Variants in LY86 observed in about 807,000 individuals in gnomAD.
LY86 encodes MD-1, RP105-associated.
LY86 carries 20 observed loss-of-function variants against 17.3 expected under a neutral mutation model. The observed-to-expected ratio is 1.15, with a 90% CI of 0.81 to 1.68. The LOEUF (loss-of-function observed/expected upper bound fraction) is 1.68, where lower values mean the gene tolerates loss of function less well. Among genes scored for constraint, LY86 ranks in the 40% most tolerant of loss-of-function variants. The pLI is 0.00. For synonymous variants in LY86, 74 were observed against 70.6 expected, an observed-to-expected ratio of 1.05 and a Z score of -0.24; for missense variants, 200 against 191.9, an observed-to-expected ratio of 1.04 and a Z score of -0.25.
At chr6:6,630,751 C>A (rs1761886085) in intron 3 of LY86, among the ~76,000 whole-genome samples, 1 of 152,178 alleles carries the variant, frequency 6.6e-6, no homozygotes, top group South Asian at 2.1e-4. Context: ...ATTAACTGCT[C>A]CTGTGCTTTC....
chr6:6,605,517 T>C (rs1438724805), intron 1 of LY86, among the ~76,000 whole-genome samples: 2 of 152,000 alleles, frequency 1.3e-5, no homozygotes, highest in African/African-American at 4.8e-5. Flanking sequence ...CCATGGGGGG[T>C]CTCCCCACAA....
In LY86 at chr6:6,654,858, C is replaced by G; in HGVS notation, c.*231C>G. On this transcript the variant is annotated 3_prime_UTR_variant, in exon 5 of 5. Transcript: ENST00000230568. ...TGTTTCTAAGGAGCCTCTTGGCAGT[C>G]CTTAAGCAGTCTTGAGGGTCCATCC... The G allele has an allele frequency of 5.8e-6, 3 of 520,592 alleles. No individual in the cohort carries two copies. Among genetic ancestry groups the G allele is most frequent in the Non-Finnish European group, 6.8e-6 (2 of 294,336 alleles). The allele number at this position is 520,592 out of a possible 1,614,324, so 32.2% of individuals were successfully genotyped here.
At chr6:6,605,142 A>G (rs1183383763) in intron 1 of LY86, among the ~76,000 whole-genome samples, 3 of 152,172 alleles carry the variant, frequency 2.0e-5, no homozygotes, top group South Asian at 2.1e-4. Context: ...AATGACAAGC[A>G]AAGTAGCAAC....
chr6:6,632,728 G>T (rs1761912871), intron 3 of LY86, among the ~76,000 whole-genome samples: 1 of 152,156 alleles, frequency 6.6e-6, no homozygotes, highest in Non-Finnish European at 1.5e-5. Context: ...TTGATCTAAG[G>T]TCAGCCTCTA....
At chr6:6,649,478 G>T in intron 3 of LY86, 147 bp from the exon 4 acceptor site, 3 of 597,426 alleles carry the variant, frequency 5.0e-6, no homozygotes, top group Non-Finnish European at 8.8e-6. Context: ...GGTAGGTGTA[G>T]ATCAGGAAAT....
At chr6:6,636,016 G>T (rs1022292994) in intron 3 of LY86, among the ~76,000 whole-genome samples, 3 of 152,202 alleles carry the variant, frequency 2.0e-5, no homozygotes, top group Middle Eastern at 3.2e-3. Context: ...ACCTTGAGCA[G>T]GCATCAGCAT....
chr6:6,592,187 C>CA (rs1760550141), intron 1 of LY86, among the ~76,000 whole-genome samples: 2 of 152,214 alleles, frequency 1.3e-5, no homozygotes, highest in Non-Finnish European at 2.9e-5. Flanking sequence ...GGAAACTTCA[C>CA]AAGCAGTTAC....
In LY86 at chr6:6,607,572, GAA is replaced by G. The variant is rs1761219746; in HGVS notation, c.137-17351_137-17350del. Among the ~76,000 whole-genome samples, 4 of 152,104 alleles carry G rather than the reference GAA, an allele frequency of 2.6e-5. No individual in the cohort carries two copies. In the South Asian group the frequency reaches 8.3e-4, roughly 31 times the overall value. On this transcript the variant is annotated intron_variant, in intron 1 of 4. Coordinates refer to ENST00000230568, the MANE Select transcript of LY86 (RefSeq NM_004271.4). ...AGAAGGGAGGAAAGGCATAAAGAAAGAAAACCCAAAATAGGATAAAATAATTA... is the reference window on the plus strand; with the variant it reads ...AGAAGGGAGGAAAGGCATAAAGAAAGAACCCAAAATAGGATAAAATAATTA...
intron 3 of LY86, among the ~76,000 whole-genome samples, chr6:6,638,653 C>CT (rs1441491607): frequency 5.1e-5 from 7 of 136,354 alleles, no homozygotes; most frequent in African/African-American, 1.8e-4. Flanking sequence ...CTATACTGCT[C>CT]TATTTTTTTT....
intron 1 of LY86, among the ~76,000 whole-genome samples, chr6:6,592,289 AG>A (rs1181352714): frequency 6.6e-6 from 1 of 152,204 alleles, no homozygotes; most frequent in Non-Finnish European, 1.5e-5. Context: ...GAAAGAAGAG[AG>A]CCACTGTCTT....
intron 1 of LY86, among the ~76,000 whole-genome samples, chr6:6,612,411 C>T (rs948099954): frequency 2.3e-4 from 35 of 152,208 alleles, no homozygotes; most frequent in Middle Eastern, 3.2e-3. Flanking sequence ...TACCTAGTCT[C>T]ACTGGCCTCA....
At chr6:6,645,647 A>G (rs1762097232) in intron 3 of LY86, among the ~76,000 whole-genome samples, 1 of 151,942 alleles carries the variant, frequency 6.6e-6, no homozygotes, top group African/African-American at 2.4e-5. Flanking sequence ...AACATGCCCA[A>G]GGGAACCCAG....
chr6:6,608,854 G>T (rs896628026), intron 1 of LY86, among the ~76,000 whole-genome samples: 1 of 152,166 alleles, frequency 6.6e-6, no homozygotes, highest in South Asian at 2.1e-4. Flanking sequence ...TTGTTCAACG[G>T]GTGAACTCTT....
intron 1 of LY86, among the ~76,000 whole-genome samples, chr6:6,605,254 C>T (rs189432941): frequency 1.6e-4 from 24 of 150,652 alleles, no homozygotes; most frequent in Admixed American, 1.4e-3. Flanking sequence ...CAGTTAAAAA[C>T]AATAAGCATT....
chr6:6,641,438 C>T (rs527324598), intron 3 of LY86, among the ~76,000 whole-genome samples: 2 of 152,338 alleles, frequency 1.3e-5, no homozygotes, highest in South Asian at 2.1e-4. Context: ...AACTCACAGG[C>T]TTCCTCGCAT....
At chr6:6,590,118 T>A (rs1279615239) in intron 1 of LY86, among the ~76,000 whole-genome samples, 2 of 80,576 alleles carry the variant, frequency 2.5e-5, no homozygotes, top group African/African-American at 1.0e-4. Flanking sequence ...AACTCTGTCT[T>A]AAAAAAAAAA....
At position 6,612,434 on chromosome 6, in the gene LY86, C is replaced by T. The variant is rs115757069; in HGVS notation, c.137-12492C>T. On this transcript the variant is annotated intron_variant, in intron 1 of 4. Transcript: ENST00000230568. ...CTCACTGGCCTCATAAAAGAAACCG[C>T]AAACCTTCATGGGGAGTGTTACACT... Among the ~76,000 whole-genome samples the T allele has an allele frequency of 4.6e-3, 693 of 152,254 alleles. 6 individuals carry two copies. Among genetic ancestry groups the T allele is most frequent in the African/African-American group, 0.014 (579 of 41,534 alleles).
At position 6,600,250 on chromosome 6, in the gene LY86, C is replaced by A. The variant is rs143339195; in HGVS notation, c.136+11380C>A. Among the ~76,000 whole-genome samples, 12 of 152,258 alleles carry A rather than the reference C, an allele frequency of 7.9e-5. No homozygotes were observed. The East Asian group carries it at 2.1e-3, about 27-fold the overall frequency. On this transcript the variant is annotated intron_variant, in intron 1 of 4. Coordinates refer to ENST00000230568, the MANE Select transcript of LY86 (RefSeq NM_004271.4). ...ATAGGAGCCTCATTAAGGAGTCCAA[C>A]AGCCTTTAGTAAACACATAACCATG...
intron 4 of LY86, among the ~76,000 whole-genome samples, chr6:6,650,322 G>A (rs1762167843): frequency 6.7e-6 from 1 of 150,180 alleles, no homozygotes; most frequent in Non-Finnish European, 1.5e-5. Context: ...TGTTCAATAT[G>A]CTACCCCTCA....
Sources: allele counts gnomAD v4.1 joint callset (sites outside exome capture counted in the v4.1 genomes callset), GRCh38; gene constraint gnomAD v4.1.1; transcripts MANE v1.5; gene names NCBI Gene and HGNC (gene_info 2026-07-23, HGNC 2026-07-21).